The following LEPROTL1 variants were observed in gnomAD, a reference collection of about 807,000 sequenced individuals.
LEPROTL1 encodes the protein leptin receptor overlapping transcript-like 1.
LEPROTL1 carries 6 observed loss-of-function variants against 15.4 expected under a neutral mutation model. The observed-to-expected ratio is 0.39, with a 90% CI of 0.21 to 0.77. The LOEUF is 0.77. Among genes scored for constraint, LEPROTL1 ranks in the 30% least tolerant of loss-of-function variants. LEPROTL1 has a pLI of 0.41. For missense variants in LEPROTL1, 128 were observed against 158.1 expected (o/e 0.81, Z 1.02); for synonymous variants, 56 against 52.6 (o/e 1.06, Z -0.28).
intron 3 of LEPROTL1, chr8:30,132,241 C>G (rs1563220419): frequency 1.3e-6 from 2 of 1,551,694 alleles, no homozygotes; most frequent in Admixed American, 2.0e-5. Flanking sequence ...GAGTCCATGC[C>G]ACCAGGCAGA....
chr8:30,133,105 T>C (rs1020697427), intron 4 of LEPROTL1, among the ~76,000 whole-genome samples: 2 of 152,172 alleles, frequency 1.3e-5, no homozygotes, highest in African/African-American at 4.8e-5. Context: ...TTTATAGACA[T>C]GGGGTCTCAC....
intron 3 of LEPROTL1, among the ~76,000 whole-genome samples, chr8:30,121,451 G>C (rs780335082): frequency 2.6e-5 from 4 of 151,838 alleles, no homozygotes; most frequent in South Asian, 2.1e-4. Context: ...ATGGGTTTTC[G>C]CCATGTTGGC....
At chr8:30,112,911 A>G (rs1802676083), downstream of LEPROTL1, among the ~76,000 whole-genome samples, 1 of 152,062 alleles carries the variant, frequency 6.6e-6, no homozygotes, top group Admixed American at 6.6e-5. Flanking sequence ...AACACATTTT[A>G]ACGATCTACT....
At chr8:30,112,716 T>C (rs868171012), downstream of LEPROTL1, among the ~76,000 whole-genome samples, 2 of 151,984 alleles carry the variant, frequency 1.3e-5, no homozygotes, top group Non-Finnish European at 2.9e-5. Context: ...CCGTGTCCCA[T>C]TTCCACATCT....
intron 1 of LEPROTL1, among the ~76,000 whole-genome samples, chr8:30,097,348 C>T (rs1802382710): frequency 6.6e-6 from 1 of 151,926 alleles, no homozygotes; most frequent in Non-Finnish European, 1.5e-5. Flanking sequence ...TGAGATGTCA[C>T]ATCAAACTGT....
At chr8:30,137,190 G>C in intron 4 of LEPROTL1, 1 of 1,072,162 alleles carries the variant, frequency 9.3e-7, no homozygotes, top group Non-Finnish European at 1.4e-6. Context: ...ACAAAGCAAT[G>C]TTTCCTCTCA....
chr8:30,096,522 T>A, intron 1 of LEPROTL1: 1 of 309,264 alleles, frequency 3.2e-6, no homozygotes, highest in East Asian at 1.7e-4. Context: ...TCTTGTTTAT[T>A]TTCAATGTCT....
At chr8:30,111,342 TTTAAA>T (rs1157700594), downstream of LEPROTL1, among the ~76,000 whole-genome samples, 1 of 152,262 alleles carries the variant, frequency 6.6e-6, no homozygotes. Context: ...CTAGTAATTA[TTTAAA>T]TTAAATAATT....
chr8:30,119,570 A>G (rs1458336865), intron 3 of LEPROTL1, among the ~76,000 whole-genome samples: 1 of 152,216 alleles, frequency 6.6e-6, no homozygotes, highest in East Asian at 1.9e-4. Context: ...GATGCCAGTC[A>G]TATTGGATGA....
At chr8:30,132,124 A>C (rs1260457759) in intron 3 of LEPROTL1, 1 of 1,551,778 alleles carries the variant, frequency 6.4e-7, no homozygotes, top group Non-Finnish European at 8.7e-7. Context: ...TCTATAGAAC[A>C]GCCTCATCGG....
rs550713785 is a variant in LEPROTL1, at chr8:30,132,035, A to G, written c.280-340A>G. 4.5e-6 allele frequency: 7 copies of G among 1,551,904 alleles called. No homozygotes were observed. The African/African-American group carries it at 9.6e-5, about 21-fold the overall frequency. On this transcript the variant is annotated intron_variant, in intron 3 of 4. Coordinates refer to the LEPROTL1 transcript ENST00000442880. ...CTGTTGTACGAATTACAGAGCAACC[A>G]GAGAGAGGAGAGACTCCTGACCTCC...
intron 3 of LEPROTL1, among the ~76,000 whole-genome samples, chr8:30,129,868 G>A (rs190803186): frequency 1.7e-3 from 252 of 152,158 alleles, no homozygotes; most frequent in Non-Finnish European, 2.6e-3. Context: ...ACTTAAAATC[G>A]TGGCGGAAGG....
exon 5 of LEPROTL1, chr8:30,137,495 C>T (rs1340214977): frequency 1.3e-6 from 2 of 1,550,732 alleles, no homozygotes; most frequent in Admixed American, 3.9e-5. Flanking sequence ...CCCTCTCAGG[C>T]ACAATGACAA....
rs564667228 is a variant in LEPROTL1 at position 30,132,464 on chromosome 8, C to T, written c.369C>T (p.Val123=). 10 of 1,551,698 alleles carry T rather than the reference C, an allele frequency of 6.4e-6. No individual in the cohort carries two copies. In the Admixed American group the frequency reaches 7.8e-5, roughly 12 times the overall value. Residue 123 remains valine (V), a synonymous_variant, in exon 4 of 5, where the codon GTC becomes GTT. Transcript: ENST00000442880. ...AAGCCCGCTGCGTGGAGGAGGGAGT[C>T]GTCCAGGATCCAGTGGGAGTAGTAG...
At chr8:30,124,063 GTGAGATTGTTAGTCTTATACTAAC>G (rs997987489) in intron 3 of LEPROTL1, among the ~76,000 whole-genome samples, 3 of 151,914 alleles carry the variant, frequency 2.0e-5, no homozygotes, top group Non-Finnish European at 4.4e-5. Flanking sequence ...CACAAAGTTG[GTGAGATTGTTAGTCTTATACTAAC>G]TGTCTTTTAT....
chr8:30,102,519 A>C (rs1473050156), intron 2 of LEPROTL1, among the ~76,000 whole-genome samples: 2 of 151,740 alleles, frequency 1.3e-5, no homozygotes, highest in Non-Finnish European at 2.9e-5. Context: ...AGGCGTGGTG[A>C]CACATGCCTG....
intron 3 of LEPROTL1, chr8:30,104,759 C>T (rs1802533686): frequency 4.5e-6 from 1 of 223,080 alleles, no homozygotes; most frequent in Admixed American, 6.0e-5. Context: ...GTCGCCCAGC[C>T]TGGAGTGCAG....
At chr8:30,109,062 A>G (rs1182520193), downstream of LEPROTL1, among the ~76,000 whole-genome samples, 3 of 133,720 alleles carry the variant, frequency 2.2e-5, no homozygotes, top group African/African-American at 8.3e-5. Context: ...TGCTGGGATT[A>G]CAGGCGTGAG....
intron 4 of LEPROTL1, among the ~76,000 whole-genome samples, chr8:30,135,585 C>T (rs965194150): frequency 2.6e-5 from 4 of 152,080 alleles, no homozygotes; most frequent in African/African-American, 7.2e-5. Context: ...CATCAAAGAT[C>T]CCACTGGCAA....
Sources: gnomAD v4.1 joint callset for allele counts (sites outside exome capture counted in the v4.1 genomes callset) on GRCh38, gnomAD v4.1.1 for gene constraint, MANE v1.5 for transcripts, NCBI Gene and HGNC (gene_info 2026-07-23, HGNC 2026-07-21) for gene names.